Variants in TTI1 observed in about 807,000 individuals in gnomAD.
The protein encoded by TTI1 is TELO2 interacting protein 1.
In TTI1, 52 loss-of-function variants were observed where a neutral mutation model predicts 85.4. The observed-to-expected ratio is 0.61, with a 90% CI of 0.49 to 0.77. The LOEUF (loss-of-function observed/expected upper bound fraction) is 0.77. Among genes scored for constraint, TTI1 ranks in the 30% least tolerant of loss-of-function variants. TTI1 has a pLI of 0.00. For missense variants in TTI1, 1,173 were observed against 1,296.0 expected (o/e 0.91, Z 1.46); for synonymous variants, 512 against 503.9 (o/e 1.02, Z -0.22).
At position 37,996,946 on chromosome 20, in the gene TTI1, C is replaced by T. The variant is rs138520660; in HGVS notation, c.2801G>A (p.Arg934His). 129 of 1,613,154 alleles carry T rather than the reference C, an allele frequency of 8.0e-5. No homozygotes were observed. In the African/African-American group the frequency reaches 1.6e-3, roughly 20 times the overall value. Reference sequence around the variant, plus strand: ...GTCACCACACTTGCTTCCCAGGGTACGTAAAACCTGCAGAAACAGCCTCCA... The same window carrying T: ...GTCACCACACTTGCTTCCCAGGGTATGTAAAACCTGCAGAAACAGCCTCCA... ...LAVLRAFKVL[R>H]TLGSKCGDFL... Residue 934 changes from arginine (R) to histidine (H), a missense_variant, in exon 6 of 8, where the codon CGT (arginine) becomes CAT (histidine). Arg to His is a conservative substitution (Grantham distance 29). Transcript: ENST00000373447.
intron 2 of TTI1, among the ~76,000 whole-genome samples, chr20:38,008,740 A>G (rs980383310): frequency 6.6e-6 from 1 of 152,212 alleles, no homozygotes; most frequent in Non-Finnish European, 1.5e-5. Flanking sequence ...AGTGGACGTC[A>G]GTTAGATAAT....
At chr20:38,015,534 T>C (rs2073670336) in intron 1 of TTI1, among the ~76,000 whole-genome samples, 1 of 152,030 alleles carries the variant, frequency 6.6e-6, no homozygotes, top group Admixed American at 6.6e-5. Flanking sequence ...AGAAAGAGAA[T>C]TGCTTAATGG....
At position 38,012,773 on chromosome 20, in the gene TTI1, T is replaced by C. The variant is rs2073619238; in HGVS notation, c.1044A>G (p.Gln348=). 6.2e-7 allele frequency: 1 copy of C among 1,614,188 alleles called. No homozygotes were observed. The highest frequency in any genetic ancestry group is 1.7e-5 in the Admixed American group (1 of 60,036). ...GLVNDESPEI[Q]AQCNKVLRHF... is the part of the protein sequence containing the mutation. Reference sequence around the variant, plus strand: ...GTCTCAGAACTTTATTGCACTGGGCTTGGATTTCAGGACTCTCATCATTTA... The same window carrying C: ...GTCTCAGAACTTTATTGCACTGGGCCTGGATTTCAGGACTCTCATCATTTA... Residue 348 remains glutamine (Q), a synonymous_variant, in exon 2 of 8, where the codon CAA becomes CAG. Coordinates refer to ENST00000373447, the MANE Select transcript of TTI1 (RefSeq NM_001303457.2).
In TTI1 at chr20:38,013,914, A is replaced by G. The variant is rs184720669; in HGVS notation, c.-41-57T>C. On this transcript the variant is annotated intron_variant, in intron 1 of 7. Coordinates refer to ENST00000373447, the MANE Select transcript of TTI1 (RefSeq NM_001303457.2). ...CAAGTTCAAAGCAAGTATGAAGTGA[A>G]CTTGCATTCATTCATTCAACAGACA... 5 of 1,497,030 alleles carry G rather than the reference A, an allele frequency of 3.3e-6. No homozygotes were observed. In the Admixed American group the frequency reaches 8.7e-5, roughly 26 times the overall value. 92.7% of individuals were successfully genotyped at this position (1,497,030 alleles called of 1,614,324 possible). A position where few individuals can be genotyped will look rare whatever the true frequency, so the allele number is the denominator to read the frequency against.
In TTI1 at chr20:37,996,819, G is replaced by A. The variant is rs201478638; in HGVS notation, c.2928C>T (p.His976=). 1.2e-5 allele frequency: 20 copies of A among 1,614,090 alleles called. No homozygotes were observed. Among genetic ancestry groups the A allele is most frequent in the Non-Finnish European group, 1.5e-5 (18 of 1,179,924 alleles). The change falls in exon 6 of 8, where the codon CAC becomes CAT. Residue 976 remains histidine (H), a synonymous_variant. Transcript: ENST00000373447. The part of the protein sequence containing the change: ...ISARAGPVYS[H]TLAFKLQLAV... The stretch of plus-strand genomic sequence containing the variant: ...CCAGCTGCAACTTGAAGGCCAGCGT[G>A]TGCGAGTAAACTGGTCCAGCCCTGG...
At chr20:37,991,134 C>T (rs2073258757) in intron 7 of TTI1, among the ~76,000 whole-genome samples, 1 of 152,194 alleles carries the variant, frequency 6.6e-6, no homozygotes, top group Non-Finnish European at 1.5e-5. Context: ...CCAGCAATGC[C>T]TGTCAAAAGA....
At chr20:38,020,319 A>ATATATATATATAT (rs1555795761) in intron 1 of TTI1, among the ~76,000 whole-genome samples, 34 of 44,148 alleles carry the variant, frequency 7.7e-4, no homozygotes, top group African/African-American at 3.1e-3. Flanking sequence ...TGAAAAAAAA[A>ATATATATATATAT]AAAAATATAT....
intron 3 of TTI1, 142 bp downstream of exon 3, chr20:38,006,055 A>G (rs1037822614): frequency 1.1e-6 from 1 of 952,230 alleles, no homozygotes; most frequent in African/African-American, 1.7e-5. Flanking sequence ...AGATTACACA[A>G]AACAGGAGAA....
At chr20:38,000,410 A>T (rs1474070512) in intron 4 of TTI1, 1 of 95,728 alleles carries the variant, frequency 1.0e-5, no homozygotes, top group Non-Finnish European at 2.4e-5. Flanking sequence ...CTCACTGAAA[A>T]GAGACTGCCT....
chr20:37,995,474 G>A (rs541544636), intron 7 of TTI1, among the ~76,000 whole-genome samples: 4 of 152,380 alleles, frequency 2.6e-5, no homozygotes, highest in African/African-American at 9.6e-5. Flanking sequence ...AAGATGCAGG[G>A]ATTCCGCTGC....
At chr20:37,987,058 T>A (rs2073199649) in intron 7 of TTI1, 1 of 417,540 alleles carries the variant, frequency 2.4e-6, no homozygotes, top group Admixed American at 2.6e-5. Flanking sequence ...GTGCTCTCAC[T>A]CCGAGAGGCA....
chr20:37,991,427 T>G (rs1468869934), intron 7 of TTI1, among the ~76,000 whole-genome samples: 1 of 152,170 alleles, frequency 6.6e-6, no homozygotes, highest in Non-Finnish European at 1.5e-5. Flanking sequence ...CTGACAGGGA[T>G]GAAATGAATG....
Position 38,011,567 on chromosome 20 carries a change from A to G in TTI1, c.2250T>C (p.Asp750=), listed in dbSNP as rs756486115. 2 of 1,614,232 alleles carry G rather than the reference A, an allele frequency of 1.2e-6. No homozygotes were observed. Among genetic ancestry groups the G allele is most frequent in the Admixed American group, 3.3e-5 (2 of 60,016 alleles). The change falls in exon 2 of 8, where the codon GAT becomes GAC. Residue 750 remains aspartate, a synonymous_variant. Transcript: ENST00000373447. ...CGCTGACAAAGGAAGCAGCTCTCTT[A>G]TCGTAAAATTGGTCCAGGGTGGCCA... ...DVLATLDQFY[D]KRAASFVSVL... is the part of the protein sequence containing the mutation.
intron 1 of TTI1, among the ~76,000 whole-genome samples, chr20:38,021,006 AC>A (rs1467826662): frequency 6.6e-6 from 1 of 152,242 alleles, no homozygotes; most frequent in African/African-American, 2.4e-5. Flanking sequence ...TTTGATATAT[AC>A]CCAATAGAAA....
chr20:37,996,267 C>T, intron 7 of TTI1, 108 bp downstream of exon 7: 1 of 1,129,398 alleles, frequency 8.9e-7, no homozygotes, highest in East Asian at 2.4e-5. Context: ...CTTAACCTGG[C>T]AGGGTGACAG....
chr20:37,996,598 C>T (rs2073343048), intron 6 of TTI1, 136 bp from the exon 7 acceptor site: 4 of 1,397,078 alleles, frequency 2.9e-6, no homozygotes, highest in African/African-American at 2.8e-5. Flanking sequence ...CCAAAGAACA[C>T]ATCAAGATAA....
intron 1 of TTI1, among the ~76,000 whole-genome samples, chr20:38,025,205 T>C (rs1032590586): frequency 6.6e-6 from 1 of 152,144 alleles, no homozygotes; most frequent in Admixed American, 6.5e-5. Flanking sequence ...CAGAACATTA[T>C]ACAGAAATGT....
chr20:38,006,103 C>A, intron 3 of TTI1, 94 bp downstream of exon 3: 2 of 1,441,488 alleles, frequency 1.4e-6, no homozygotes, highest in Admixed American at 1.8e-5. Flanking sequence ...AGTAACTTTT[C>A]TTATTTCTAC....
At chr20:37,987,233 A>C in intron 7 of TTI1, 1 of 456,742 alleles carries the variant, frequency 2.2e-6, no homozygotes, top group Middle Eastern at 3.3e-4. Flanking sequence ...GTTCCTGCCC[A>C]GCCTTAGCTG....
Sources: allele counts gnomAD v4.1 joint callset (sites outside exome capture counted in the v4.1 genomes callset), GRCh38; gene constraint gnomAD v4.1.1; transcripts MANE v1.5; gene names NCBI Gene and HGNC (gene_info 2026-07-23, HGNC 2026-07-21).